The following TPD52 variants were observed in gnomAD, a reference collection of about 807,000 sequenced individuals.
The protein encoded by TPD52 is tumor protein D52.
TPD52 carries 17 observed loss-of-function variants against 31.3 expected under a neutral mutation model. That is an observed-to-expected ratio of 0.54 (90% CI 0.37 to 0.82). TPD52 has a LOEUF of 0.82. Among genes scored for constraint, TPD52 ranks in the 40% least tolerant of loss-of-function variants. The pLI is 0.00. For missense variants in TPD52, 212 were observed against 240.1 expected (o/e 0.88, Z 0.77); for synonymous variants, 83 against 89.6 (o/e 0.93, Z 0.42).
Position 80,171,559 on chromosome 8 carries a change from G to A in TPD52, c.-116C>T, listed in dbSNP as rs185592586. On this transcript the variant is annotated 5_prime_UTR_variant, in exon 1 of 8. Transcript: ENST00000518937. ...CCTCGCCTCCGCCGGCGACTCCCGC[G>A]AAGTCCCCACCCCCAGAGGCGTCGG... 1 of 1,325,408 alleles carries A rather than the reference G, an allele frequency of 7.5e-7. No homozygotes were observed. The highest frequency in any genetic ancestry group is 9.7e-7 in the Non-Finnish European group (1 of 1,028,368). The allele number at this position is 1,325,408 out of a possible 1,614,324, so 82.1% of individuals were successfully genotyped here. A position where few individuals can be genotyped will look rare whatever the true frequency, so the allele number is the denominator to read the frequency against.
intron 1 of TPD52, among the ~76,000 whole-genome samples, chr8:80,096,192 G>A (rs958715170): frequency 8.5e-5 from 13 of 152,160 alleles, no homozygotes; most frequent in African/African-American, 2.7e-4. Context: ...GGTGGTCAAG[G>A]CTGCAGTGAG....
chr8:80,083,484 A>G (rs1001034466), intron 1 of TPD52, among the ~76,000 whole-genome samples: 6 of 151,774 alleles, frequency 4.0e-5, no homozygotes, highest in Non-Finnish European at 5.9e-5. Flanking sequence ...TTCTCCTGAT[A>G]GTGAATGAGA....
At chr8:80,156,407 A>G (rs150753525) in intron 1 of TPD52, among the ~76,000 whole-genome samples, 15 of 152,340 alleles carry the variant, frequency 9.8e-5, no homozygotes, top group Non-Finnish European at 1.9e-4. Context: ...TTAGTTAGAA[A>G]TGTGTCACAA....
chr8:80,036,416 C>T lies in TPD52; in HGVS notation c.*1700G>A, dbSNP rs1809914351. ...GATCCACTCCTCTGAGAAAATGCTT[C>T]AACAGCCTGTGCCTTAAAGCCCTTA... On this transcript the variant is annotated 3_prime_UTR_variant, in exon 8 of 8. Coordinates refer to ENST00000518937, the MANE Select transcript of TPD52 (RefSeq NM_001025253.3). 1 of 152,538 alleles carries T rather than the reference C, an allele frequency of 6.6e-6. No homozygotes were observed. The highest frequency in any genetic ancestry group is 2.1e-4 in the South Asian group (1 of 4,830). 9.4% of individuals were successfully genotyped at this position (152,538 alleles called of 1,614,324 possible). A position where few individuals can be genotyped will look rare whatever the true frequency, so the allele number is the denominator to read the frequency against.
chr8:80,083,382 C>T (rs1815478759), intron 1 of TPD52, among the ~76,000 whole-genome samples: 1 of 152,076 alleles, frequency 6.6e-6, no homozygotes, highest in African/African-American at 2.4e-5. Flanking sequence ...GTGTCCCCAC[C>T]CAAATCTCAC....
At chr8:80,079,514 C>T (rs1354501848) in intron 1 of TPD52, among the ~76,000 whole-genome samples, 1 of 152,050 alleles carries the variant, frequency 6.6e-6, no homozygotes, top group Non-Finnish European at 1.5e-5. Context: ...TCTAGGTTAC[C>T]CATTTTTTCA....
intron 1 of TPD52, among the ~76,000 whole-genome samples, chr8:80,146,899 A>G (rs879775455): frequency 7.2e-5 from 11 of 152,186 alleles, no homozygotes; most frequent in Non-Finnish European, 1.3e-4. Flanking sequence ...CATGCTATAT[A>G]GCATTCCCAA....
intron 1 of TPD52, among the ~76,000 whole-genome samples, chr8:80,085,498 C>T (rs1187763644): frequency 1.3e-5 from 2 of 152,102 alleles, no homozygotes; most frequent in Non-Finnish European, 2.9e-5. Flanking sequence ...TGTGGCTGTC[C>T]ACCAGGAGAG....
intron 1 of TPD52, among the ~76,000 whole-genome samples, chr8:80,090,066 G>A (rs778809925): frequency 5.3e-5 from 8 of 152,274 alleles, no homozygotes; most frequent in South Asian, 4.2e-4. Flanking sequence ...TGGAGGAAAG[G>A]AAAGGGAAGA....
At chr8:80,068,443 G>A (rs1395413637) in intron 1 of TPD52, among the ~76,000 whole-genome samples, 1 of 152,156 alleles carries the variant, frequency 6.6e-6, no homozygotes, top group East Asian at 1.9e-4. Flanking sequence ...AGGAACCTGT[G>A]GGGATCCCTG....
chr8:80,085,687 A>G (rs1815690884), intron 1 of TPD52, among the ~76,000 whole-genome samples: 1 of 152,202 alleles, frequency 6.6e-6, no homozygotes, highest in African/African-American at 2.4e-5. Context: ...ATAAATAGAG[A>G]GAAGGAAGAA....
intron 1 of TPD52, among the ~76,000 whole-genome samples, chr8:80,081,130 T>C (rs1309660505): frequency 2.6e-5 from 4 of 151,154 alleles, no homozygotes; most frequent in East Asian, 2.0e-4. Context: ...TCACAAAAAC[T>C]TCAGACTGAC....
chr8:80,115,736 CAG>C (rs1234463696), intron 1 of TPD52, among the ~76,000 whole-genome samples: 30 of 152,330 alleles, frequency 2.0e-4, no homozygotes, highest in African/African-American at 7.0e-4. Flanking sequence ...TGAAGCCTAA[CAG>C]AGCCTATTTA....
intron 3 of TPD52, chr8:80,051,846 G>A (rs1811418717): frequency 2.2e-6 from 1 of 454,132 alleles, no homozygotes; most frequent in Non-Finnish European, 3.9e-6. Flanking sequence ...CAGTGCCCTA[G>A]TCCAGCCAGA....
At chr8:80,136,194 G>T (rs1402037321) in intron 1 of TPD52, among the ~76,000 whole-genome samples, 1 of 66,206 alleles carries the variant, frequency 1.5e-5, no homozygotes, top group Non-Finnish European at 3.5e-5. Flanking sequence ...AAAAAAACAA[G>T]CACACTCACA....
At chr8:80,164,810 G>A (rs1331802702) in intron 1 of TPD52, among the ~76,000 whole-genome samples, 4 of 149,372 alleles carry the variant, frequency 2.7e-5, no homozygotes, top group Admixed American at 6.8e-5. Flanking sequence ...TCGAGCCTGG[G>A]AGGCAGAGGT....
At chr8:80,061,263 C>A (rs192895164) in intron 2 of TPD52, among the ~76,000 whole-genome samples, 7 of 152,138 alleles carry the variant, frequency 4.6e-5, no homozygotes, top group African/African-American at 1.7e-4. Context: ...ACTCGGGAGG[C>A]TGAGGCAGGA....
intron 1 of TPD52, among the ~76,000 whole-genome samples, chr8:80,130,867 A>G (rs1563648610): frequency 1.3e-5 from 2 of 152,198 alleles, no homozygotes; most frequent in South Asian, 2.1e-4. Context: ...CAAAAAGGGG[A>G]ATCATTTAAC....
At chr8:80,164,012 G>A (rs2131268208) in intron 1 of TPD52, among the ~76,000 whole-genome samples, 1 of 113,514 alleles carries the variant, frequency 8.8e-6, no homozygotes, top group South Asian at 3.2e-4. Context: ...AATTCTAACT[G>A]TGAGAGAGAG....
Sources: allele counts gnomAD v4.1 joint callset (sites outside exome capture counted in the v4.1 genomes callset), GRCh38; gene constraint gnomAD v4.1.1; transcripts MANE v1.5; gene names NCBI Gene and HGNC (gene_info 2026-07-23, HGNC 2026-07-21).